PEAK1: variants seen among roughly 807,000 people sequenced by gnomAD.
The protein encoded by PEAK1 is inactive tyrosine-protein kinase PEAK1.
PEAK1 carries 54 observed loss-of-function variants against 124.7 expected under a neutral mutation model. The ratio of observed to expected loss-of-function variants is 0.43; its 90% CI spans 0.35 to 0.54. The LOEUF (loss-of-function observed/expected upper bound fraction) is 0.54, where lower values mean the gene tolerates loss of function less well. PEAK1 is among the 20% of genes least tolerant of loss of function. PEAK1 has a pLI of 0.01. For synonymous variants in PEAK1, 719 were observed against 760.0 expected, an observed-to-expected ratio of 0.95 and a Z score of 0.89; for missense variants, 2,046 against 2,134.5, an observed-to-expected ratio of 0.96 and a Z score of 0.82.
rs917752410 is a variant in PEAK1, at chr15:77,337,115, A to G, written c.-603+28048T>C. 5 of 984,680 alleles carry G rather than the reference A, an allele frequency of 5.1e-6. No individual in the cohort carries two copies. The African/African-American group carries it at 7.0e-5, about 14-fold the overall frequency. The allele number at this position is 984,680 out of a possible 1,614,324, so 61.0% of individuals were successfully genotyped here. A position where few individuals can be genotyped will look rare whatever the true frequency, so the allele number is the denominator to read the frequency against. ...AAGTAACCAATCAAGATGCGGGGCT[A>G]GCCCTCAAGATGCCAACAGTAAGAA... On this transcript the variant is annotated intron_variant, in intron 2 of 9. Coordinates refer to ENST00000682557, the MANE Select transcript of PEAK1 (RefSeq NM_001385026.1).
intron 2 of PEAK1, among the ~76,000 whole-genome samples, chr15:77,305,438 C>A (rs1011091364): frequency 1.3e-5 from 2 of 151,936 alleles, no homozygotes; most frequent in African/African-American, 4.8e-5. Context: ...ATTAAGGGAA[C>A]AAAATTGGCC....
At chr15:77,196,843 A>G (rs2058127855) in intron 6 of PEAK1, among the ~76,000 whole-genome samples, 1 of 152,012 alleles carries the variant, frequency 6.6e-6, no homozygotes. Context: ...AGACAGCTTA[A>G]TTAATTAATT....
chr15:77,213,010 GA>G (rs951816424), intron 6 of PEAK1, among the ~76,000 whole-genome samples: 6 of 150,520 alleles, frequency 4.0e-5, no homozygotes, highest in East Asian at 3.9e-4. Context: ...CTTGAAATCT[GA>G]AAAAAAAATC....
At chr15:77,105,547 A>G (rs2152701865), downstream of PEAK1, 1 of 152,284 alleles carries the variant, frequency 6.6e-6, no homozygotes, top group Middle Eastern at 3.4e-3. Flanking sequence ...AATTGCCTTG[A>G]GCTGCTCTTA....
intron 6 of PEAK1, among the ~76,000 whole-genome samples, chr15:77,209,750 C>T (rs1025311034): frequency 2.0e-5 from 3 of 152,248 alleles, no homozygotes; most frequent in African/African-American, 7.2e-5. Context: ...AATGACCCCA[C>T]AAAGATGTCC....
At position 77,164,568 on chromosome 15, in the gene PEAK1, G is replaced by C. The variant is rs74746660; in HGVS notation, c.3138-5872C>G. ...AGACAACAAAGCATATAAAAACATA[G>C]CCCTCTGTAAATCACTGTCACTTTC... On this transcript the variant is annotated intron_variant, in intron 7 of 9. Coordinates refer to ENST00000682557, the MANE Select transcript of PEAK1 (RefSeq NM_001385026.1). Among the ~76,000 whole-genome samples, 1,114 of 152,202 alleles carry C rather than the reference G, an allele frequency of 7.3e-3. 15 individuals are homozygous for C. The highest frequency in any genetic ancestry group is 0.025 in the African/African-American group (1,058 of 41,518).
intron 5 of PEAK1, chr15:77,255,287 C>A (rs1483302040): frequency 1.3e-6 from 1 of 773,840 alleles, no homozygotes; most frequent in South Asian, 5.9e-5. Flanking sequence ...AATGAAATAA[C>A]AATTATTTAA....
At chr15:77,242,244 G>A (rs1198770207) in intron 6 of PEAK1, among the ~76,000 whole-genome samples, 1 of 151,944 alleles carries the variant, frequency 6.6e-6, no homozygotes, top group East Asian at 1.9e-4. Context: ...ATATATTTAT[G>A]CATGTGTGTG....
At chr15:77,212,551 A>G (rs980286526) in intron 6 of PEAK1, among the ~76,000 whole-genome samples, 2 of 152,216 alleles carry the variant, frequency 1.3e-5, no homozygotes, top group Non-Finnish European at 2.9e-5. Context: ...TCTGGACTCA[A>G]CAAGACAAAA....
intron 2 of PEAK1, among the ~76,000 whole-genome samples, chr15:77,362,734 CA>C (rs1400136854): frequency 6.6e-6 from 1 of 151,350 alleles, no homozygotes; most frequent in Non-Finnish European, 1.5e-5. Flanking sequence ...GCAGAATTTT[CA>C]TAATAGCCAA....
intron 6 of PEAK1, among the ~76,000 whole-genome samples, chr15:77,217,432 T>C (rs1303615836): frequency 1.3e-5 from 2 of 152,116 alleles, no homozygotes; most frequent in Non-Finnish European, 2.9e-5. Context: ...CTGATTATTA[T>C]GAGTGTTTTG....
intron 8 of PEAK1, among the ~76,000 whole-genome samples, chr15:77,150,338 AC>A (rs899063015): frequency 1.3e-5 from 2 of 151,988 alleles, no homozygotes; most frequent in East Asian, 3.9e-4. Flanking sequence ...TAGGAAAAGC[AC>A]TCTGCCTCGC....
At chr15:77,295,785 T>C (rs1390523579) in intron 2 of PEAK1, among the ~76,000 whole-genome samples, 1 of 152,220 alleles carries the variant, frequency 6.6e-6, no homozygotes. Context: ...GTTTTATAGC[T>C]ATATCCACCC....
intron 2 of PEAK1, among the ~76,000 whole-genome samples, chr15:77,289,595 G>C (rs1450576676): frequency 6.6e-6 from 1 of 152,166 alleles, no homozygotes; most frequent in Non-Finnish European, 1.5e-5. Context: ...CAGCACTTTG[G>C]GAGGCCGAGG....
chr15:77,327,413 T>C (rs956130535), intron 2 of PEAK1, among the ~76,000 whole-genome samples: 8 of 152,070 alleles, frequency 5.3e-5, no homozygotes, highest in African/African-American at 1.9e-4. Context: ...GCCAATAAGA[T>C]AAAAACTCAC....
intron 6 of PEAK1, among the ~76,000 whole-genome samples, chr15:77,190,182 GAAC>G (rs2057763174): frequency 2.6e-5 from 4 of 152,008 alleles, no homozygotes; most frequent in Admixed American, 2.6e-4. Flanking sequence ...AGAAAAGAGT[GAAC>G]AATACATACT....
intron 2 of PEAK1, among the ~76,000 whole-genome samples, chr15:77,303,394 TGTTACTCCA>T (rs751491234): frequency 2.0e-5 from 3 of 152,178 alleles, no homozygotes; most frequent in Non-Finnish European, 4.4e-5. Flanking sequence ...CTGTTACTCC[TGTTACTCCA>T]CATCCTCACC....
intron 8 of PEAK1, among the ~76,000 whole-genome samples, chr15:77,138,262 T>G (rs1353010334): frequency 6.6e-6 from 1 of 152,086 alleles, no homozygotes; most frequent in Non-Finnish European, 1.5e-5. Flanking sequence ...AAAAATGGTA[T>G]GCTTGTATAG....
At chr15:77,367,473 C>T (rs2068332247) in intron 1 of PEAK1, among the ~76,000 whole-genome samples, 1 of 152,128 alleles carries the variant, frequency 6.6e-6, no homozygotes. Flanking sequence ...ACAGGATATA[C>T]ACATTAGTCA....
Sources: allele counts gnomAD v4.1 joint callset (sites outside exome capture counted in the v4.1 genomes callset), GRCh38; gene constraint gnomAD v4.1.1; transcripts MANE v1.5; gene names NCBI Gene and HGNC (gene_info 2026-07-23, HGNC 2026-07-21).